APC: variants seen among roughly 807,000 people sequenced by gnomAD.
APC encodes adenomatous polyposis coli protein.
APC carries 72 observed loss-of-function variants against 247.0 expected under a neutral mutation model. The ratio of observed to expected loss-of-function variants is 0.29; its 90% CI spans 0.24 to 0.35. APC has a LOEUF of 0.35. Among genes scored for constraint, APC ranks in the 10% least tolerant of loss-of-function variants. The pLI is 1.00. For synonymous variants in APC, 1,254 were observed against 1,162.5 expected, an observed-to-expected ratio of 1.08 and a Z score of -1.60; for missense variants, 3,400 against 3,360.7, an observed-to-expected ratio of 1.01 and a Z score of -0.29.
rs140349857 is a variant in APC at position 112,729,642 on chromosome 5, A to G, written c.165+21760A>G. On this transcript the variant is annotated intron_variant, in intron 1 of 13. Coordinates refer to the APC transcript ENST00000507379. ...TGATTACACTGGGAAGCCAATGAAC[A>G]GTTTGAAGTTTTTAAGGGCTCATGT... Among the ~76,000 whole-genome samples, 923 of 152,386 alleles carry G rather than the reference A, an allele frequency of 6.1e-3. 7 individuals carry two copies. The highest frequency in any genetic ancestry group is 0.01 in the Middle Eastern group (3 of 294).
At chr5:112,725,750 C>A (rs886392291) in intron 1 of APC, among the ~76,000 whole-genome samples, 1 of 151,996 alleles carries the variant, frequency 6.6e-6, no homozygotes, top group Non-Finnish European at 1.5e-5. Flanking sequence ...AACAGTGAGA[C>A]CCTATCTCAA....
intron 9 of APC, among the ~76,000 whole-genome samples, chr5:112,818,444 A>G (rs758409244): frequency 1.1e-5 from 1 of 93,106 alleles, no homozygotes; most frequent in Non-Finnish European, 2.3e-5. Context: ...ATAATCGTAT[A>G]ATTTTAATAA....
At chr5:112,814,620 C>T (rs756667752) in intron 8 of APC, among the ~76,000 whole-genome samples, 13 of 152,168 alleles carry the variant, frequency 8.5e-5, no homozygotes, top group Non-Finnish European at 1.6e-4. Context: ...CACTCAACTG[C>T]TGAAAATACC....
chr5:112,790,497 C>T (rs764354947), intron 6 of APC, among the ~76,000 whole-genome samples: 2 of 151,290 alleles, frequency 1.3e-5, no homozygotes, highest in Non-Finnish European at 3.0e-5. Context: ...TGGCTAATTT[C>T]TTTTTGTATT....
chr5:112,745,764 C>T (rs1753596579), intron 1 of APC, among the ~76,000 whole-genome samples: 2 of 151,768 alleles, frequency 1.3e-5, no homozygotes, highest in African/African-American at 2.4e-5. Flanking sequence ...GACAGGATTT[C>T]ACCATGTTGG....
Position 112,840,277 on chromosome 5 carries a change from G to T in APC, c.4683G>T (p.Lys1561Asn), listed in dbSNP as rs774900184. Residue 1561 changes from lysine to asparagine, a missense_variant, in exon 16 of 16, where the codon AAG becomes AAT. This residue lies in a region of APC where 1,788 missense variants were observed against 1,649.5 expected (regional missense o/e 1.08). Coordinates refer to ENST00000257430, the MANE Select transcript of APC (RefSeq NM_000038.6). The surrounding 1 kb of genome is among the most constrained non-coding windows in gnomAD (Gnocchi z 4.1). ...KEAEKTIDSE[K>N]DLLDDSDDDD... ...CAGAAAAAACTATTGATTCTGAAAA[G>T]GACCTATTAGATGATTCAGATGATG... 2 of 1,614,088 alleles carry T rather than the reference G, an allele frequency of 1.2e-6. No individual in the cohort carries two copies. Among genetic ancestry groups the T allele is most frequent in the Non-Finnish European group, 1.7e-6 (2 of 1,179,986 alleles).
At chr5:112,816,394 TGTTGAA>T (rs1318298365) in intron 9 of APC, among the ~76,000 whole-genome samples, 8 of 152,186 alleles carry the variant, frequency 5.3e-5, no homozygotes, top group African/African-American at 9.7e-5. Context: ...ATGGAAAAAT[TGTTGAA>T]GTTGAGTGTT....
In APC at chr5:112,728,313, G is replaced by A. The variant is rs79348046; in HGVS notation, c.165+20431G>A. On this transcript the variant is annotated intron_variant, in intron 1 of 13. Transcript: ENST00000507379. ...TGCCTATTGTTTTTTTGTATTTTTAGTAGAGACGGGGTTTCACCATGTTGG... is the reference window on the plus strand; with the variant it reads ...TGCCTATTGTTTTTTTGTATTTTTAATAGAGACGGGGTTTCACCATGTTGG... Among the ~76,000 whole-genome samples, 5 of 152,054 alleles carry A rather than the reference G, an allele frequency of 3.3e-5. 1 individual carries two copies. In the East Asian group the frequency reaches 9.6e-4, roughly 29 times the overall value.
intron 7 of APC, 59 bp from the exon 8 acceptor site, chr5:112,801,220 T>G (rs941300642): frequency 7.0e-7 from 1 of 1,428,798 alleles, no homozygotes; most frequent in African/African-American, 1.4e-5. Context: ...AAAAAAAGCC[T>G]TGGGCTAAGA....
chr5:112,719,208 T>G (rs1047485704), intron 1 of APC, among the ~76,000 whole-genome samples: 1 of 152,122 alleles, frequency 6.6e-6, no homozygotes, highest in African/African-American at 2.4e-5. Flanking sequence ...ATTCTTTCCT[T>G]CTTTACTTCT....
At position 112,839,219 on chromosome 5, in the gene APC, G is replaced by A. The variant is rs201185479; in HGVS notation, c.3625G>A (p.Glu1209Lys). 171 of 1,614,066 alleles carry A rather than the reference G, an allele frequency of 1.1e-4. No homozygotes were observed. The highest frequency in any genetic ancestry group is 1.3e-4 in the Non-Finnish European group (159 of 1,180,014). The change falls in exon 16 of 16, where the codon GAA becomes AAA. Residue 1209 changes from glutamate (E) to lysine (K), a missense_variant. Physicochemically the swap from Glu to Lys is moderately conservative, Grantham distance 56. Transcript: ENST00000257430. The surrounding 1 kb of genome is among the most constrained non-coding windows in gnomAD (Gnocchi z 5.0). Reference protein sequence around the residue: ...KSSSGQSSKTEHMSSSSENTS... With the variant: ...KSSSGQSSKTKHMSSSSENTS... ...TTCATCTGGACAAAGCAGTAAAACC[G>A]AACATATGTCTTCAAGCAGTGAGAA...
intron 9 of APC, 109 bp from the exon 10 acceptor site, chr5:112,818,857 T>TTTGTTTTTTTTGA: frequency 2.0e-6 from 2 of 995,704 alleles, no homozygotes; most frequent in South Asian, 1.5e-5. Context: ...CGGGGGGGGT[T>TTTGTTTTTTTTGA]GTTTTGTTTT....
chr5:112,819,250 C>T lies in APC; in HGVS notation c.1218C>T (p.Val406=), dbSNP rs1554080074. 6.2e-7 allele frequency: 1 copy of T among 1,613,924 alleles called. No individual in the cohort carries two copies. The highest frequency in any genetic ancestry group is 1.3e-5 in the African/African-American group (1 of 75,020). Residue 406 remains valine (V), a synonymous_variant, in exon 10 of 16, where the codon GTC becomes GTT. Coordinates refer to ENST00000257430, the MANE Select transcript of APC (RefSeq NM_000038.6). Reference sequence around the variant, plus strand: ...AGAGAGGCAGGCGTGAAATCCGAGTCCTTCATCTTTTGGAACAGATACGCG... The same window carrying T: ...AGAGAGGCAGGCGTGAAATCCGAGTTCTTCATCTTTTGGAACAGATACGCG... ...DDKRGRREIR[V]LHLLEQIRAY...
intron 2 of APC, among the ~76,000 whole-genome samples, chr5:112,763,742 A>G (rs1447483885): frequency 2.0e-5 from 3 of 152,240 alleles, no homozygotes; most frequent in Admixed American, 1.3e-4. Flanking sequence ...TTCAGTCTCC[A>G]TAGAATAACA....
At chr5:112,808,756 A>C (rs187272152) in intron 8 of APC, among the ~76,000 whole-genome samples, 1 of 152,242 alleles carries the variant, frequency 6.6e-6, no homozygotes. Context: ...GATTTTGCTG[A>C]TGACTCCCCA....
chr5:112,816,622 C>T (rs750043519), intron 9 of APC, among the ~76,000 whole-genome samples: 68 of 151,820 alleles, frequency 4.5e-4, no homozygotes, highest in South Asian at 8.3e-4. Context: ...GGTGAAACCC[C>T]GTCTCTACTA....
chr5:112,760,831 A>G (rs1268145849), intron 2 of APC, among the ~76,000 whole-genome samples: 1 of 151,234 alleles, frequency 6.6e-6, no homozygotes, highest in Admixed American at 6.6e-5. Flanking sequence ...TTTTTTCAAG[A>G]CAGAGTCTCG....
At chr5:112,795,389 T>G (rs961242608) in intron 7 of APC, among the ~76,000 whole-genome samples, 6 of 152,206 alleles carry the variant, frequency 3.9e-5, no homozygotes, top group Admixed American at 6.5e-5. Context: ...ATCCATAATT[T>G]TTATTGAAAT....
chr5:112,713,679 A>G (rs905289176), intron 1 of APC, among the ~76,000 whole-genome samples: 4 of 152,104 alleles, frequency 2.6e-5, no homozygotes, highest in African/African-American at 9.7e-5. Flanking sequence ...TTCAGTGTTT[A>G]TTTTCTGAGA....
Sources: gnomAD v4.1 joint callset for allele counts (sites outside exome capture counted in the v4.1 genomes callset) on GRCh38, gnomAD v4.1.1 for gene constraint, gnomAD v4.1.1 regional missense constraint, Gnocchi (gnomAD v3.1) non-coding constraint, MANE v1.5 for transcripts, NCBI Gene and HGNC (gene_info 2026-07-23, HGNC 2026-07-21) for gene names.